Variants in CSNK1A1 observed in about 807,000 individuals in gnomAD.
CSNK1A1 encodes casein kinase 1 alpha 1, also known as casein kinase I isoform alpha.
A neutral mutation model predicts 46.1 loss-of-function variants in CSNK1A1; 7 were observed. That is an observed-to-expected ratio of 0.15 (90% CI 0.09 to 0.29). CSNK1A1 has a LOEUF of 0.29. Among genes scored for constraint, CSNK1A1 ranks in the 10% least tolerant of loss-of-function variants. The probability of loss-of-function intolerance (pLI) is 1.00; values close to 1 mark genes in which losing one functional copy is unlikely to be tolerated. For missense variants in CSNK1A1, 96 were observed against 417.1 expected (o/e 0.23, Z 6.71); for synonymous variants, 137 against 141.5 (o/e 0.97, Z 0.23).
At chr5:149,515,487 C>A (rs933125581) in intron 4 of CSNK1A1, among the ~76,000 whole-genome samples, 1 of 152,170 alleles carries the variant, frequency 6.6e-6, no homozygotes, top group Admixed American at 6.5e-5. Flanking sequence ...TCTTAAACAT[C>A]TCAATCTAAA....
In CSNK1A1 at chr5:149,550,114, T is replaced by C; in HGVS notation, c.191A>G (p.Tyr64Cys). Residue 64 changes from tyrosine (Y) to cysteine (C), a missense_variant, in exon 2 of 10, where the codon TAT (tyrosine) becomes TGT (cysteine). Physicochemically the swap from Tyr to Cys is radical, Grantham distance 194. Transcript: ENST00000377843. The surrounding 1 kb of genome is among the most constrained non-coding windows in gnomAD (Gnocchi z 4.3). ...GCCAACCCCACCTTGAAGAATCTTATAGAGCTTGCTCTCGTACAGCAACTG... is the reference window on the plus strand; with the variant it reads ...GCCAACCCCACCTTGAAGAATCTTACAGAGCTTGCTCTCGTACAGCAACTG... ...HPQLLYESKLYKILQGGVGIP... is the reference protein window; with the variant it reads ...HPQLLYESKLCKILQGGVGIP... 1.2e-6 allele frequency: 2 copies of C among 1,614,070 alleles called. No individual in the cohort carries two copies. The highest frequency in any genetic ancestry group is 8.5e-7 in the Non-Finnish European group (1 of 1,179,960).
intron 2 of CSNK1A1, among the ~76,000 whole-genome samples, chr5:149,540,395 C>T (rs530467526): frequency 6.6e-6 from 1 of 152,132 alleles, no homozygotes; most frequent in East Asian, 1.9e-4. Context: ...CTGCTCACAC[C>T]GACAAGAAAA....
chr5:149,500,445 T>C (rs1226833810), intron 9 of CSNK1A1, among the ~76,000 whole-genome samples: 4 of 152,002 alleles, frequency 2.6e-5, no homozygotes, highest in African/African-American at 9.7e-5. Context: ...CCCCAGCTAC[T>C]TTTTTGTATT....
chr5:149,522,829 T>C (rs1761612716), intron 3 of CSNK1A1, among the ~76,000 whole-genome samples: 1 of 152,156 alleles, frequency 6.6e-6, no homozygotes, highest in Admixed American at 6.5e-5. Context: ...CATCTTATTT[T>C]TCCATCTTTC....
At chr5:149,538,014 G>GTTTTTTTTT (rs890909710) in intron 2 of CSNK1A1, among the ~76,000 whole-genome samples, 10 of 85,730 alleles carry the variant, frequency 1.2e-4, no homozygotes, top group East Asian at 7.5e-4. Context: ...AGTGTGCCCA[G>GTTTTTTTTT]TTTTTTTTTT....
rs61707983 is a variant in CSNK1A1 at position 149,502,520 on chromosome 5, T to TGGG, written c.1006+2924_1006+2926dup. The stretch of plus-strand genomic sequence containing the variant: ...TACTGCGCCTGGCGCTTTTTTTTTT[T>TGGG]GGGGGGGGGGGGGTTGGGGACGATG... On this transcript the variant is annotated intron_variant, in intron 9 of 9. Transcript: ENST00000377843. The TGGG allele has an allele frequency of 5.5e-3, 121 of 21,906 alleles. 11 individuals carry two copies. Among genetic ancestry groups the TGGG allele is most frequent in the Admixed American group, 0.013 (12 of 918 alleles). The allele number at this position is 21,906 out of a possible 1,614,324, so 1.4% of individuals were successfully genotyped here. A position where few individuals can be genotyped will look rare whatever the true frequency, so the allele number is the denominator to read the frequency against.
At chr5:149,504,821 G>T (rs994884115) in intron 9 of CSNK1A1, 10 of 985,212 alleles carry the variant, frequency 1.0e-5, no homozygotes, top group Admixed American at 1.2e-4. Context: ...GCAAATAAAA[G>T]AATTATTTTT....
At chr5:149,514,715 G>A (rs1054384742) in intron 4 of CSNK1A1, among the ~76,000 whole-genome samples, 1 of 152,156 alleles carries the variant, frequency 6.6e-6, no homozygotes, top group African/African-American at 2.4e-5. Context: ...AGGAGCATGA[G>A]TAACATCTAT....
rs1762628012 is a variant in CSNK1A1, at chr5:149,550,618, T to A, written c.123+224A>T. On this transcript the variant is annotated intron_variant, in intron 1 of 9. Transcript: ENST00000377843. This position sits in a 1 kb window ranked among gnomAD's most constrained non-coding sequence, Gnocchi z 4.3. ...TCGACTAAGGGACATTTATGGGACGTGTTTAACAAGGTGGGAAACTAGTTC... is the reference window on the plus strand; with the variant it reads ...TCGACTAAGGGACATTTATGGGACGAGTTTAACAAGGTGGGAAACTAGTTC... Among the ~76,000 whole-genome samples, 1 of 149,208 alleles carries A rather than the reference T, an allele frequency of 6.7e-6. No individual in the cohort carries two copies. Among genetic ancestry groups the A allele is most frequent in the Non-Finnish European group, 1.5e-5 (1 of 67,458 alleles).
intron 9 of CSNK1A1, among the ~76,000 whole-genome samples, chr5:149,499,967 C>CTTTTTTTTTTTTTTTTT (rs1162496799): frequency 1.3e-5 from 1 of 77,708 alleles, no homozygotes; most frequent in East Asian, 3.4e-4. Context: ...TTCTTTTTTT[C>CTTTTTTTTTTTTTTTTT]TTTTTTTTTT....
intron 4 of CSNK1A1, 82 bp from the exon 5 acceptor site, chr5:149,513,291 C>T (rs998818724): frequency 1.0e-5 from 13 of 1,278,786 alleles, no homozygotes; most frequent in Middle Eastern, 1.9e-4. Context: ...GGTATCTATT[C>T]TATGCATTCA....
intron 2 of CSNK1A1, chr5:149,529,824 C>A: frequency 4.6e-6 from 2 of 437,748 alleles, no homozygotes; most frequent in South Asian, 1.6e-5. Flanking sequence ...AATGGAGGAC[C>A]AGGGGAAGGA....
intron 9 of CSNK1A1, chr5:149,497,900 C>T: frequency 1.1e-6 from 1 of 898,588 alleles, no homozygotes; most frequent in South Asian, 5.1e-5. Flanking sequence ...GTGGCATGAT[C>T]TTGGCTCACC....
Position 149,549,951 on chromosome 5 carries a change from C to G in CSNK1A1, c.230+124G>C, listed in dbSNP as rs369050461. Reference sequence around the variant, plus strand: ...TGACTGACTTACAGGAAACCACCAGCTATAGGGAACCCAGGTAACTAAAAC... The same window carrying G: ...TGACTGACTTACAGGAAACCACCAGGTATAGGGAACCCAGGTAACTAAAAC... On this transcript the variant is annotated intron_variant, in intron 2 of 9. Coordinates refer to ENST00000377843, the MANE Select transcript of CSNK1A1 (RefSeq NM_001892.6). The G allele has an allele frequency of 9.9e-5, 113 of 1,143,262 alleles. No individual in the cohort carries two copies. The East Asian group carries it at 2.4e-3, about 24-fold the overall frequency. The allele number at this position is 1,143,262 out of a possible 1,614,324, so 70.8% of individuals were successfully genotyped here. A position where few individuals can be genotyped will look rare whatever the true frequency, so the allele number is the denominator to read the frequency against.
chr5:149,531,068 A>G (rs1281162422), intron 2 of CSNK1A1, among the ~76,000 whole-genome samples: 1 of 151,606 alleles, frequency 6.6e-6, no homozygotes, highest in Non-Finnish European at 1.5e-5. Flanking sequence ...ATATTTGTAT[A>G]TGCCATTCTT....
At chr5:149,515,166 T>A in intron 4 of CSNK1A1, among the ~76,000 whole-genome samples, 2 of 152,204 alleles carry the variant, frequency 1.3e-5, no homozygotes, top group East Asian at 3.8e-4. Flanking sequence ...CTAAGAAATA[T>A]GTAGACATTG....
Position 149,510,019 on chromosome 5 carries a change from C to T in CSNK1A1, c.676-66G>A, listed in dbSNP as rs939132286. On this transcript the variant is annotated intron_variant, in intron 6 of 9. Transcript: ENST00000377843. ...ACTGAGAAGAACCATGGTAGTTTAACGCACTAGACATATAAACATATACCT... is the reference window on the plus strand; with the variant it reads ...ACTGAGAAGAACCATGGTAGTTTAATGCACTAGACATATAAACATATACCT... The T allele has an allele frequency of 2.3e-5, 25 of 1,067,422 alleles. 1 individual carries two copies. Among genetic ancestry groups the T allele is most frequent in the East Asian group, 1.1e-4 (4 of 37,716 alleles). The allele number at this position is 1,067,422 out of a possible 1,614,324, so 66.1% of individuals were successfully genotyped here. A position where few individuals can be genotyped will look rare whatever the true frequency, so the allele number is the denominator to read the frequency against.
chr5:149,501,985 T>A (rs1760872922), intron 9 of CSNK1A1: 1 of 940,294 alleles, frequency 1.1e-6, no homozygotes. Flanking sequence ...AGATAATAAG[T>A]GGCATAAAGA....
At chr5:149,502,263 T>C (rs1020691216) in intron 9 of CSNK1A1, 8 of 943,822 alleles carry the variant, frequency 8.5e-6, no homozygotes, top group Non-Finnish European at 2.5e-6. Context: ...TTGCTTAAAA[T>C]ACACTTATGA....
Sources: allele counts gnomAD v4.1 joint callset (sites outside exome capture counted in the v4.1 genomes callset), GRCh38; gene constraint gnomAD v4.1.1; non-coding constraint Gnocchi (gnomAD v3.1); transcripts MANE v1.5; gene names NCBI Gene and HGNC (gene_info 2026-07-23, HGNC 2026-07-21).